BRMS1L: variants seen among roughly 807,000 people sequenced by gnomAD.
BRMS1L encodes the protein breast cancer metastasis-suppressor 1-like protein.
Under a neutral mutation model 50.3 loss-of-function variants are expected in BRMS1L, and 23 were observed. The ratio of observed to expected loss-of-function variants is 0.46; its 90% CI spans 0.33 to 0.65. The LOEUF (loss-of-function observed/expected upper bound fraction) is 0.65. Among genes scored for constraint, BRMS1L ranks in the 30% least tolerant of loss-of-function variants. The pLI is 0.02. For missense variants in BRMS1L, 286 were observed against 386.1 expected, an observed-to-expected ratio of 0.74 and a Z score of 2.17; for synonymous variants, 114 against 126.9, an observed-to-expected ratio of 0.90 and a Z score of 0.69.
intron 4 of BRMS1L, among the ~76,000 whole-genome samples, chr14:35,841,321 A>AT (rs1011354659): frequency 5.7e-4 from 85 of 149,580 alleles, no homozygotes; most frequent in Middle Eastern, 3.4e-3. Flanking sequence ...ATTTTATTTT[A>AT]TTTTTTTTTG....
intron 4 of BRMS1L, among the ~76,000 whole-genome samples, chr14:35,855,784 A>G (rs1455549073): frequency 6.6e-6 from 1 of 152,178 alleles, no homozygotes; most frequent in African/African-American, 2.4e-5. Flanking sequence ...AAGCTAACCT[A>G]TCTTTAAAAT....
chr14:35,867,366 C>T (rs920943887), intron 8 of BRMS1L, among the ~76,000 whole-genome samples: 1 of 152,056 alleles, frequency 6.6e-6, no homozygotes, highest in Non-Finnish European at 1.5e-5. Context: ...GCTTTTGACA[C>T]TGTGTTTCCA....
At chr14:35,840,552 T>C (rs1376419242) in intron 4 of BRMS1L, among the ~76,000 whole-genome samples, 1 of 152,364 alleles carries the variant, frequency 6.6e-6, no homozygotes, top group East Asian at 1.9e-4. Context: ...TCAGAACTTG[T>C]TATTGGTCTA....
intron 4 of BRMS1L, among the ~76,000 whole-genome samples, chr14:35,838,069 CGTGTCCAT>C (rs2078017542): frequency 6.6e-6 from 1 of 151,962 alleles, no homozygotes; most frequent in Admixed American, 6.6e-5. Flanking sequence ...TTCCCCTCCC[CGTGTCCAT>C]GTGTTCTCAT....
At chr14:35,851,331 T>G (rs1595670009) in intron 4 of BRMS1L, among the ~76,000 whole-genome samples, 1 of 151,600 alleles carries the variant, frequency 6.6e-6, no homozygotes, top group East Asian at 1.9e-4. Context: ...TGAGGAAGAT[T>G]TCTATGAATT....
At chr14:35,839,925 A>G (rs28837785) in intron 4 of BRMS1L, among the ~76,000 whole-genome samples, 3,270 of 152,270 alleles carry the variant, frequency 0.021, 118 homozygotes, top group African/African-American at 0.076. Context: ...GAGTGGTGAG[A>G]GAGGACATCC....
chr14:35,866,125 A>G (rs1220411472), intron 8 of BRMS1L: 2 of 180,536 alleles, frequency 1.1e-5, no homozygotes, highest in African/African-American at 2.4e-5. Context: ...AAAATTCTGC[A>G]TGTGCATTTT....
chr14:35,854,615 C>T (rs1159225417), intron 4 of BRMS1L, among the ~76,000 whole-genome samples: 3 of 152,220 alleles, frequency 2.0e-5, no homozygotes, highest in Non-Finnish European at 2.9e-5. Context: ...ATTTTCTCTA[C>T]TTCCTTCTTC....
intron 4 of BRMS1L, among the ~76,000 whole-genome samples, chr14:35,854,687 T>C (rs544359662): frequency 6.6e-6 from 1 of 152,360 alleles, no homozygotes; most frequent in East Asian, 1.9e-4. Context: ...TGTCTAAGTC[T>C]ACTGTTTTTT....
chr14:35,840,996 A>G (rs1052932547), intron 4 of BRMS1L, among the ~76,000 whole-genome samples: 2 of 152,108 alleles, frequency 1.3e-5, no homozygotes, highest in Non-Finnish European at 2.9e-5. Context: ...TCAGTGCTAT[A>G]ATTTTCCCTC....
intron 4 of BRMS1L, among the ~76,000 whole-genome samples, chr14:35,836,622 G>A (rs2077997671): frequency 6.6e-6 from 1 of 152,222 alleles, no homozygotes; most frequent in African/African-American, 2.4e-5. Context: ...GATTACAGGT[G>A]TGAGCCAAGG....
At position 35,839,633 on chromosome 14, in the gene BRMS1L, A is replaced by G. The variant is rs552368832; in HGVS notation, c.441+4710A>G. On this transcript the variant is annotated intron_variant, in intron 4 of 9. Coordinates refer to ENST00000216807, the MANE Select transcript of BRMS1L (RefSeq NM_032352.4). ...TAGGTATTTTATTCTCTTTGTAGCA[A>G]TTGTGAATGGGAGTTCACTCATGAT... Among the ~76,000 whole-genome samples, 260 of 152,286 alleles carry G rather than the reference A, an allele frequency of 1.7e-3. 1 individual carries two copies. The highest frequency in any genetic ancestry group is 5.8e-3 in the African/African-American group (243 of 41,558).
chr14:35,843,546 C>T (rs929350762), intron 4 of BRMS1L, among the ~76,000 whole-genome samples: 1 of 152,232 alleles, frequency 6.6e-6, no homozygotes, highest in South Asian at 2.1e-4. Context: ...CCTGTTCCTT[C>T]CTCTGGAAGC....
At chr14:35,842,379 C>CA (rs1417150325) in intron 4 of BRMS1L, among the ~76,000 whole-genome samples, 1 of 152,108 alleles carries the variant, frequency 6.6e-6, no homozygotes, top group Non-Finnish European at 1.5e-5. Flanking sequence ...CTAGTGGTGA[C>CA]AAAATCTCTC....
At chr14:35,842,867 T>G (rs1566418160) in intron 4 of BRMS1L, among the ~76,000 whole-genome samples, 1 of 152,206 alleles carries the variant, frequency 6.6e-6, no homozygotes, top group Admixed American at 6.5e-5. Context: ...TTGGAGGGTT[T>G]GTTTGTTGCT....
At chr14:35,867,579 A>G (rs1274912731) in intron 8 of BRMS1L, among the ~76,000 whole-genome samples, 1 of 152,204 alleles carries the variant, frequency 6.6e-6, no homozygotes, top group African/African-American at 2.4e-5. Context: ...TTTCAATTGA[A>G]ATATGGCAAT....
intron 4 of BRMS1L, among the ~76,000 whole-genome samples, chr14:35,838,786 A>T: frequency 6.6e-6 from 1 of 151,944 alleles, no homozygotes; most frequent in African/African-American, 2.4e-5. Context: ...TGTCAGATGG[A>T]TAGATTGCAA....
At chr14:35,870,325 AATTC>A in intron 9 of BRMS1L, 31 bp from the exon 10 acceptor site, 3 of 1,279,602 alleles carry the variant, frequency 2.3e-6, no homozygotes, top group East Asian at 2.3e-5. Context: ...GAGACATTGT[AATTC>A]ATTCATTCAT....
intron 4 of BRMS1L, among the ~76,000 whole-genome samples, chr14:35,844,499 G>T (rs1371495801): frequency 6.6e-6 from 1 of 152,112 alleles, no homozygotes; most frequent in East Asian, 1.9e-4. Flanking sequence ...GCTTTGGCTC[G>T]CCCTCTGTGG....
Sources: allele counts gnomAD v4.1 joint callset (sites outside exome capture counted in the v4.1 genomes callset), GRCh38; gene constraint gnomAD v4.1.1; transcripts MANE v1.5; gene names NCBI Gene and HGNC (gene_info 2026-07-23, HGNC 2026-07-21).